FREM1: variants seen among roughly 807,000 people sequenced by gnomAD.
The protein encoded by FREM1 is FRAS1 related extracellular matrix 1.
In FREM1, 220 loss-of-function variants were observed where a neutral mutation model predicts 210.1. That is an observed-to-expected ratio of 1.05 (90% CI 0.94 to 1.17). The LOEUF is 1.17. Among genes scored for constraint, FREM1 ranks in the 50% most tolerant of loss-of-function variants. The pLI, the probability that FREM1 is intolerant of heterozygous loss-of-function variation, is 0.00. For missense variants in FREM1, 3,454 were observed against 2,675.5 expected (o/e 1.29, Z -6.42); for synonymous variants, 1,189 against 980.2 (o/e 1.21, Z -3.98).
chr9:14,859,192 G>A lies in FREM1; in HGVS notation c.622C>T (p.Pro208Ser), dbSNP rs546583191. Reference sequence around the variant, plus strand: ...TTAAAAGACATCATACGGGACTCTGGGAAAAAACTGTGTGGCTGATCTCCA... The same window carrying A: ...TTAAAAGACATCATACGGGACTCTGAGAAAAAACTGTGTGGCTGATCTCCA... ...PRGDQPHSFF[P>S]ESQLRAKLKC... Residue 208 changes from proline (P) to serine (S), a missense_variant, in exon 4 of 37, where the codon CCA (proline) becomes TCA (serine). Transcript: ENST00000380880. 3 of 1,579,460 alleles carry A rather than the reference G, an allele frequency of 1.9e-6. No homozygotes were observed. Among genetic ancestry groups the A allele is most frequent in the East Asian group, 4.5e-5 (2 of 44,504 alleles).
intron 35 of FREM1, among the ~76,000 whole-genome samples, chr9:14,742,877 T>C (rs1841817100): frequency 6.6e-6 from 1 of 152,154 alleles, no homozygotes; most frequent in African/African-American, 2.4e-5. Context: ...AAACCTGCTA[T>C]ACTTAGGGGA....
intron 16 of FREM1, 147 bp from the exon 17 acceptor site, chr9:14,808,281 CTA>C: frequency 3.6e-6 from 2 of 552,338 alleles, no homozygotes; most frequent in South Asian, 7.5e-5. Context: ...AATTTTATCA[CTA>C]TGAAATTAAA....
At chr9:14,807,688 C>A (rs1389110558) in intron 17 of FREM1, among the ~76,000 whole-genome samples, 1 of 152,066 alleles carries the variant, frequency 6.6e-6, no homozygotes, top group Non-Finnish European at 1.5e-5. Context: ...CACACACACA[C>A]ACACACACAC....
intron 24 of FREM1, among the ~76,000 whole-genome samples, chr9:14,779,972 G>T (rs1305683520): frequency 1.3e-5 from 2 of 152,172 alleles, no homozygotes; most frequent in Non-Finnish European, 2.9e-5. Flanking sequence ...AATGGTTACG[G>T]TTGAGTTCCC....
chr9:14,815,022 C>T (rs555501155), intron 15 of FREM1, among the ~76,000 whole-genome samples: 5 of 152,306 alleles, frequency 3.3e-5, no homozygotes, highest in Middle Eastern at 3.4e-3. Flanking sequence ...ACAAAGAAAA[C>T]TGTCCTTTTT....
At position 14,800,806 on chromosome 9, in the gene FREM1, C is replaced by G. The variant is rs72614222; in HGVS notation, c.3694+846G>C. On this transcript the variant is annotated intron_variant, in intron 20 of 36. Transcript: ENST00000380880. ...AAGCCTAGAGAGAGCCCTTGAGAGA[C>G]AAATGAATAAAGTAGGTGAATGCTA... 0.025 allele frequency among the ~76,000 whole-genome samples: 3,839 copies of G among 152,214 alleles called. 249 individuals are homozygous for G. In the East Asian group the frequency reaches 0.27, roughly 11 times the overall value.
chr9:14,797,643 C>T lies in FREM1; in HGVS notation c.3695-1G>A. 6.2e-7 allele frequency: 1 copy of T among 1,607,888 alleles called. No homozygotes were observed. Among genetic ancestry groups the T allele is most frequent in the Non-Finnish European group, 8.5e-7 (1 of 1,177,022 alleles). On this transcript the variant is annotated splice_acceptor_variant, in intron 20 of 36. Transcript: ENST00000380880. LOFTEE classifies it high-confidence loss of function. Reference sequence around the variant, plus strand: ...TCATGCATGTACGTCAACCTCATTCCTGGAAGAAGGAAAAAAAATAAGTAA... The same window carrying T: ...TCATGCATGTACGTCAACCTCATTCTTGGAAGAAGGAAAAAAAATAAGTAA...
chr9:14,765,421 T>C (rs917941888), intron 27 of FREM1, among the ~76,000 whole-genome samples: 1 of 152,214 alleles, frequency 6.6e-6, no homozygotes, highest in Non-Finnish European at 1.5e-5. Context: ...CGGTTTTCAT[T>C]ATCTTAAAAA....
In FREM1 at chr9:14,747,265, T is replaced by C; in HGVS notation, c.6008A>G (p.Gln2003Arg). The change falls in exon 33 of 37, where the codon CAG (glutamine) becomes CGG (arginine). Residue 2003 changes from glutamine (Q) to arginine (R), a missense_variant and splice_region_variant. Physicochemically the swap from Gln to Arg is conservative, Grantham distance 43 (BLOSUM62 1). Transcript: ENST00000380880. ...AAGAAGGAACAAAGATTTTCATACCTGTCTGGGGAAGTGTGAGTCAGTTGT... is the reference window on the plus strand; with the variant it reads ...AAGAAGGAACAAAGATTTTCATACCCGTCTGGGGAAGTGTGAGTCAGTTGT... The part of the protein sequence containing the change: ...ESTTDSHFPR[Q>R]DQLPSFPKNC... 2 of 1,609,058 alleles carry C rather than the reference T, an allele frequency of 1.2e-6. No individual in the cohort carries two copies.
rs369918312 is a variant in FREM1, at chr9:14,805,126, C to A, written c.3301G>T (p.Ala1101Ser). 3 of 1,576,454 alleles carry A rather than the reference C, an allele frequency of 1.9e-6. No homozygotes were observed. In the African/African-American group the frequency reaches 4.1e-5, roughly 21 times the overall value. ...GACTGCACATAGTTAATGTGAAAAG[C>A]GTTCATGTCTTTCCACTGAAATGAA... ...IDSFQWKDMN[A>S]FHINYVQSRH... Residue 1101 changes from alanine to serine, a missense_variant, in exon 19 of 37, where the codon GCT becomes TCT. Transcript: ENST00000380880.
Position 14,857,558 on chromosome 9 carries a change from A to G in FREM1, c.823T>C (p.Tyr275His), listed in dbSNP as rs769366666. ...DLTDTRSKIV[Y>H]KSESAWLPVY... Reference sequence around the variant, plus strand: ...CACATAACCCCAAACTCTACCTTGTACACAATTTTGCTCCTGGTATCTGTG... The same window carrying G: ...CACATAACCCCAAACTCTACCTTGTGCACAATTTTGCTCCTGGTATCTGTG... The change falls in exon 5 of 37, where the codon TAC becomes CAC. Residue 275 changes from tyrosine to histidine, a missense_variant. Physicochemically the swap from Tyr to His is moderately conservative, Grantham distance 83. Transcript: ENST00000380880. 4.3e-6 allele frequency: 7 copies of G among 1,612,644 alleles called. No homozygotes were observed. In the South Asian group the frequency reaches 7.7e-5, roughly 18 times the overall value.
At chr9:14,813,178 T>C (rs1819712428) in intron 15 of FREM1, 114 bp from the exon 16 acceptor site, 1 of 1,143,056 alleles carries the variant, frequency 8.7e-7, no homozygotes, top group African/African-American at 1.5e-5. Context: ...TACAGACACA[T>C]GAAACAACAG....
Position 14,842,334 on chromosome 9 carries a change from GCTT to G in FREM1, c.1717_1719del (p.Lys573del). 4 of 1,588,750 alleles carry G rather than the reference GCTT, an allele frequency of 2.5e-6. No individual in the cohort carries two copies. Among genetic ancestry groups the G allele is most frequent in the Non-Finnish European group, 3.4e-6 (4 of 1,165,920 alleles). ...AACTTACCTATCAGTCCTGGCCCTG[GCTT>G]CTTCATGATCTCCCCAGCCTGTGGA... On this transcript the variant is annotated inframe_deletion, in exon 9 of 37. Transcript: ENST00000380880.
At chr9:14,778,275 T>C (rs1284893486) in intron 24 of FREM1, among the ~76,000 whole-genome samples, 1 of 151,890 alleles carries the variant, frequency 6.6e-6, no homozygotes, top group African/African-American at 2.4e-5. Flanking sequence ...GCAATTTCAT[T>C]ACTGGATCAT....
At position 14,874,766 on chromosome 9, in the gene FREM1, T is replaced by C. The variant is rs1360107835; in HGVS notation, c.-267-5522A>G. Among the ~76,000 whole-genome samples, 3 of 152,236 alleles carry C rather than the reference T, an allele frequency of 2.0e-5. No individual in the cohort carries two copies. In the East Asian group the frequency reaches 5.8e-4, roughly 29 times the overall value. On this transcript the variant is annotated intron_variant, in intron 1 of 36. Transcript: ENST00000380880. ...TGATGCAGTTTCTTCCTAGTCTTGA[T>C]GATCTTCACAATTTGGCATGATTTT...
intron 28 of FREM1, among the ~76,000 whole-genome samples, chr9:14,758,352 A>G (rs1844812397): frequency 6.6e-6 from 1 of 152,158 alleles, no homozygotes; most frequent in Non-Finnish European, 1.5e-5. Flanking sequence ...CCAAAACTCC[A>G]GCCTAGAGCA....
In FREM1 at chr9:14,759,993, G is replaced by T. The variant is rs1435687610; in HGVS notation, c.5205-92C>A. The T allele has an allele frequency of 9.8e-5, 97 of 987,720 alleles. 2 individuals carry two copies. In the South Asian group the frequency reaches 1.4e-3, roughly 15 times the overall value. The allele number at this position is 987,720 out of a possible 1,614,324, so 61.2% of individuals were successfully genotyped here. ...AGCGGACTAGTGGAAAAACGTGGTT[G>T]ATCAACCTACACCAGTGATGGAAAT... On this transcript the variant is annotated intron_variant, in intron 27 of 36. Transcript: ENST00000380880.
chr9:14,779,828 A>C (rs1486139754), intron 24 of FREM1, among the ~76,000 whole-genome samples: 1 of 152,200 alleles, frequency 6.6e-6, no homozygotes. Context: ...TGCTGACCTA[A>C]AGCTAATAGG....
At position 14,857,650 on chromosome 9, in the gene FREM1, C is replaced by T. The variant is rs1331014776; in HGVS notation, c.731G>A (p.Gly244Asp). 3.1e-6 allele frequency: 5 copies of T among 1,613,092 alleles called. No individual in the cohort carries two copies. The East Asian group carries it at 1.1e-4, about 36-fold the overall frequency. Residue 244 changes from glycine to aspartate, a missense_variant, in exon 5 of 37, where the codon GGC becomes GAC. Coordinates refer to ENST00000380880, the MANE Select transcript of FREM1 (RefSeq NM_001379081.2). ...KVSCEEFLLM[G>D]LRYQHLDPPS... Reference sequence around the variant, plus strand: ...GGGATCCAGATGCTGATAACGAAGGCCCATCAGCAGGAACTCCTCACAGCT... The same window carrying T: ...GGGATCCAGATGCTGATAACGAAGGTCCATCAGCAGGAACTCCTCACAGCT...
Sources: gnomAD v4.1 joint callset for allele counts (sites outside exome capture counted in the v4.1 genomes callset) on GRCh38, gnomAD v4.1.1 for gene constraint, MANE v1.5 for transcripts, NCBI Gene and HGNC (gene_info 2026-07-23, HGNC 2026-07-21) for gene names.